The following TASL variants were observed in gnomAD, a reference collection of about 807,000 sequenced individuals.
TASL encodes the protein TLR adapter interacting with SLC15A4 on the lysosome.
In TASL, 6 loss-of-function variants were observed where a neutral mutation model predicts 12.9. That is an observed-to-expected ratio of 0.46 (90% CI 0.25 to 0.92). The LOEUF is 0.92. TASL is among the 40% of genes least tolerant of loss of function. The probability of loss-of-function intolerance (pLI) is 0.17; values close to 1 mark genes in which losing one functional copy is unlikely to be tolerated. For missense variants in TASL, 165 were observed against 212.8 expected, an observed-to-expected ratio of 0.78 and a Z score of 1.40; for synonymous variants, 85 against 79.3, an observed-to-expected ratio of 1.07 and a Z score of -0.38.
intron 2 of TASL, among the ~76,000 whole-genome samples, chrX:30,576,205 A>G (rs949920542): frequency 1.8e-5 from 2 of 111,972 alleles, no homozygotes; most frequent in African/African-American, 6.5e-5. Context: ...CTTAGATAAT[A>G]GTATTGTGTT....
At position 30,559,398 on chromosome X, in the gene TASL, A is replaced by C. The variant is rs1930383711; in HGVS notation, c.*52T>G. On this transcript the variant is annotated 3_prime_UTR_variant, in exon 3 of 3. Transcript: ENST00000378962. ...TGCACATTCTCAGAATAAATGGATA[A>C]AGTGTTGCTTCATGTTTAAGTAAAT... 3 of 940,451 alleles carry C rather than the reference A, an allele frequency of 3.2e-6. No individual in the cohort carries two copies. Among genetic ancestry groups the C allele is most frequent in the Non-Finnish European group, 4.4e-6 (3 of 678,020 alleles). The allele number at this position is 940,451 out of a possible 1,213,427, so 77.5% of individuals were successfully genotyped here.
At position 30,560,047 on chromosome X, in the gene TASL, A is replaced by G; in HGVS notation, c.309T>C (p.Cys103=). The G allele has an allele frequency of 8.3e-7, 1 of 1,211,293 alleles. No homozygotes were observed. The highest frequency in any genetic ancestry group is 1.1e-6 in the Non-Finnish European group (1 of 895,129). The change falls in exon 3 of 3, where the codon TGT becomes TGC. Residue 103 remains cysteine, a synonymous_variant. Transcript: ENST00000378962. The part of the protein sequence containing the change: ...ESPNLAAVEI[C]RDASRETYLV... ...AGTAGGTCTCTCTGCTGGCATCTCT[A>G]CATATTTCAACTGCAGCCAAGTTTG...
At position 30,573,871 on chromosome X, in the gene TASL, T is replaced by A. The variant is rs1281286790; in HGVS notation, c.-2+2881A>T. Reference sequence around the variant, plus strand: ...AGGCAGAGGTTGCAGTGAGTCATGATCACACCACTGCACTCTAGCCTGGGT... The same window carrying A: ...AGGCAGAGGTTGCAGTGAGTCATGAACACACCACTGCACTCTAGCCTGGGT... On this transcript the variant is annotated intron_variant, in intron 2 of 2. Coordinates refer to ENST00000378962, the MANE Select transcript of TASL (RefSeq NM_025159.3). Among the ~76,000 whole-genome samples, 9 of 111,238 alleles carry A rather than the reference T, an allele frequency of 8.1e-5. No homozygotes were observed. The Admixed American group carries it at 8.6e-4, about 11-fold the overall frequency.
intron 2 of TASL, among the ~76,000 whole-genome samples, chrX:30,568,099 G>A (rs932313626): frequency 3.6e-5 from 4 of 110,840 alleles, no homozygotes; most frequent in East Asian, 2.8e-4. Flanking sequence ...TTAGCCGGGC[G>A]TGGTGGCAGA....
chrX:30,568,169 C>T (rs111254331), intron 2 of TASL, among the ~76,000 whole-genome samples: 5 of 110,082 alleles, frequency 4.5e-5, no homozygotes, highest in Admixed American at 9.7e-5. Context: ...ACTGGGGAGG[C>T]GGAGGTTGCA....
rs1197636385 is a variant in TASL at position 30,559,754 on chromosome X, A to G, written c.602T>C (p.Met201Thr). 2.5e-6 allele frequency: 3 copies of G among 1,211,367 alleles called. No homozygotes were observed. Among genetic ancestry groups the G allele is most frequent in the Non-Finnish European group, 2.2e-6 (2 of 895,130 alleles). Residue 201 changes from methionine to threonine, a missense_variant, in exon 3 of 3, where the codon ATG becomes ACG. Coordinates refer to ENST00000378962, the MANE Select transcript of TASL (RefSeq NM_025159.3). Reference sequence around the variant, plus strand: ...AACTGCATTAGAAATAGGATTCTGCATTTGCAAGCTGCTTTTCTCTTTGAT... The same window carrying G: ...AACTGCATTAGAAATAGGATTCTGCGTTTGCAAGCTGCTTTTCTCTTTGAT... ...TSIKEKSSLQ[M>T]QNPISNAVLN... is the part of the protein sequence containing the mutation.
At chrX:30,569,760 C>A (rs1930563767) in intron 2 of TASL, among the ~76,000 whole-genome samples, 1 of 111,552 alleles carries the variant, frequency 9.0e-6, no homozygotes, top group Non-Finnish European at 1.9e-5. Context: ...CACCTATAAT[C>A]CCAGCACTTT....
At chrX:30,566,533 G>T (rs1895073588) in intron 2 of TASL, among the ~76,000 whole-genome samples, 1 of 111,493 alleles carries the variant, frequency 9.0e-6, no homozygotes, top group African/African-American at 3.3e-5. Flanking sequence ...AAAAAAGAGA[G>T]ATGGTAAAGC....
At chrX:30,569,383 A>G (rs1930555750) in intron 2 of TASL, among the ~76,000 whole-genome samples, 3 of 111,483 alleles carry the variant, frequency 2.7e-5, no homozygotes, top group Middle Eastern at 4.2e-3. Context: ...TCATTGACCA[A>G]AATGGGAAGA....
intron 2 of TASL, among the ~76,000 whole-genome samples, chrX:30,564,834 A>C (rs1443751744): frequency 1.8e-5 from 2 of 111,815 alleles, no homozygotes; most frequent in African/African-American, 6.5e-5. Context: ...AACAGCCCTT[A>C]AACTCGGATA....
intron 2 of TASL, among the ~76,000 whole-genome samples, chrX:30,571,444 C>A (rs781114479): frequency 9.1e-6 from 1 of 109,538 alleles, no homozygotes; most frequent in South Asian, 4.0e-4. Flanking sequence ...CATGACAAAA[C>A]CCCATCTTTA....
At chrX:30,571,296 AAG>A (rs776880194) in intron 2 of TASL, among the ~76,000 whole-genome samples, 135 of 90,173 alleles carry the variant, frequency 1.5e-3, no homozygotes, top group South Asian at 2.7e-3. Context: ...GAAAGAAAGA[AAG>A]AAAGAAAGAA....
intron 2 of TASL, among the ~76,000 whole-genome samples, chrX:30,570,737 CT>C (rs770898061): frequency 4.5e-5 from 5 of 112,056 alleles, no homozygotes; most frequent in Admixed American, 9.5e-5. Context: ...ACTAAGGAGG[CT>C]TTTAAAAGAC....
At chrX:30,565,286 A>T (rs1930482090) in intron 2 of TASL, among the ~76,000 whole-genome samples, 1 of 111,643 alleles carries the variant, frequency 9.0e-6, no homozygotes, top group Non-Finnish European at 1.9e-5. Context: ...TGAAGAGGAG[A>T]CCTACCCATG....
intron 2 of TASL, among the ~76,000 whole-genome samples, chrX:30,561,405 A>G (rs2147082833): frequency 9.0e-6 from 1 of 110,893 alleles, no homozygotes; most frequent in Non-Finnish European, 1.9e-5. Flanking sequence ...GCTAGAAACC[A>G]GCAGCTGCAT....
intron 2 of TASL, among the ~76,000 whole-genome samples, chrX:30,571,136 C>T (rs957284852): frequency 2.0e-5 from 2 of 102,352 alleles, no homozygotes; most frequent in African/African-American, 7.3e-5. Context: ...GCTGAGATTG[C>T]GCCACTGCAT....
rs201938871 is a variant in TASL, at chrX:30,565,244, C to T, written c.-1-4888G>A. Among the ~76,000 whole-genome samples, 5 of 111,691 alleles carry T rather than the reference C, an allele frequency of 4.5e-5. No individual in the cohort carries two copies. The East Asian group carries it at 1.4e-3, about 31-fold the overall frequency. ...CAGATGGAAGGGCTGAAGACTGAGG[C>T]TCCCCATTTTTTGTCCTAGGCCCAG... On this transcript the variant is annotated intron_variant, in intron 2 of 2. Coordinates refer to ENST00000378962, the MANE Select transcript of TASL (RefSeq NM_025159.3).
rs774999374 is a variant in TASL at position 30,560,257 on chromosome X, C to A, written c.99G>T (p.Glu33Asp). 8 of 1,210,280 alleles carry A rather than the reference C, an allele frequency of 6.6e-6. No individual in the cohort carries two copies. The highest frequency in any genetic ancestry group is 8.9e-6 in the Non-Finnish European group (8 of 894,294). ...AAAGGGTAGCAACAGAATTTGTCTCCTCTTCCTTTTCCCCAGCCACCTGCT... is the reference window on the plus strand; with the variant it reads ...AAAGGGTAGCAACAGAATTTGTCTCATCTTCCTTTTCCCCAGCCACCTGCT... ...YNEQVAGEKE[E>D]ETNSVATLSY... Residue 33 changes from glutamate to aspartate, a missense_variant, in exon 3 of 3, where the codon GAG becomes GAT. By Grantham distance (45) the Glu-to-Asp change is conservative. Transcript: ENST00000378962.
rs187980123 is a variant in TASL, at chrX:30,565,422, G to C, written c.-1-5066C>G. On this transcript the variant is annotated intron_variant, in intron 2 of 2. Transcript: ENST00000378962. ...GATAAAATTGAAGACAACTGAAAAG[G>C]TCTGACCATCATGAAATACAATTTA... 9.8e-5 allele frequency among the ~76,000 whole-genome samples: 11 copies of C among 112,154 alleles called. No homozygotes were observed. In the East Asian group the frequency reaches 3.1e-3, roughly 31 times the overall value.
Sources: gnomAD v4.1 joint callset for allele counts (sites outside exome capture counted in the v4.1 genomes callset) on GRCh38, gnomAD v4.1.1 for gene constraint, MANE v1.5 for transcripts, NCBI Gene and HGNC (gene_info 2026-07-23, HGNC 2026-07-21) for gene names.